The following GRID1 variants were observed in gnomAD, a reference collection of about 807,000 sequenced individuals.
GRID1 encodes the protein glutamate ionotropic receptor delta type subunit 1.
A neutral mutation model predicts 98.0 loss-of-function variants in GRID1; 28 were observed. The ratio of observed to expected loss-of-function variants is 0.29; its 90% CI spans 0.21 to 0.39. The LOEUF (loss-of-function observed/expected upper bound fraction) is 0.39, where lower values mean the gene tolerates loss of function less well. GRID1 is among the 10% of genes least tolerant of loss of function. The pLI, the probability that GRID1 is intolerant of heterozygous loss-of-function variation, is 1.00. For synonymous variants in GRID1, 553 were observed against 538.5 expected, an observed-to-expected ratio of 1.03 and a Z score of -0.37; for missense variants, 1,111 against 1,340.5, an observed-to-expected ratio of 0.83 and a Z score of 2.67.
At chr10:85,604,708 C>T (rs1373133260) in intron 15 of GRID1, among the ~76,000 whole-genome samples, 1 of 152,190 alleles carries the variant, frequency 6.6e-6, no homozygotes, top group Non-Finnish European at 1.5e-5. Context: ...TACCTTACAC[C>T]ATGGTGGAGC....
Position 86,160,907 on chromosome 10 carries a change from G to A in GRID1, c.521-21883C>T, listed in dbSNP as rs544560352. On this transcript the variant is annotated intron_variant, in intron 3 of 15. Coordinates refer to ENST00000327946, the MANE Select transcript of GRID1 (RefSeq NM_017551.3). ...GGTATAGCCCACTGTCTGAGCACACGCTCAGTGTGCTGGAAACAAAGCATC... is the reference window on the plus strand; with the variant it reads ...GGTATAGCCCACTGTCTGAGCACACACTCAGTGTGCTGGAAACAAAGCATC... 3.9e-5 allele frequency among the ~76,000 whole-genome samples: 6 copies of A among 152,338 alleles called. No individual in the cohort carries two copies. The East Asian group carries it at 1.2e-3, about 29-fold the overall frequency.
In GRID1 at chr10:86,016,500, T is replaced by C. The variant is rs1186518058; in HGVS notation, c.727-100261A>G. On this transcript the variant is annotated intron_variant, in intron 4 of 15. Transcript: ENST00000327946. Reference sequence around the variant, plus strand: ...TAACCATGTAAGTGAGAGTTATGAGTAAGAGTTAATTTCTATGAATTCTCT... The same window carrying C: ...TAACCATGTAAGTGAGAGTTATGAGCAAGAGTTAATTTCTATGAATTCTCT... 2.6e-5 allele frequency among the ~76,000 whole-genome samples: 4 copies of C among 152,082 alleles called. No individual in the cohort carries two copies. In the East Asian group the frequency reaches 5.8e-4, roughly 22 times the overall value.
At chr10:85,989,425 G>T (rs1478931903) in intron 4 of GRID1, among the ~76,000 whole-genome samples, 2 of 152,194 alleles carry the variant, frequency 1.3e-5, no homozygotes, top group African/African-American at 4.8e-5. Flanking sequence ...TTCCTCTGTT[G>T]AACCCAATAG....
intron 8 of GRID1, among the ~76,000 whole-genome samples, chr10:85,746,786 T>C (rs1842001331): frequency 6.6e-6 from 1 of 152,160 alleles, no homozygotes; most frequent in Non-Finnish European, 1.5e-5. Context: ...CTGCAGAATC[T>C]ATGATATATA....
chr10:86,279,145 G>A (rs1847317877), intron 2 of GRID1, among the ~76,000 whole-genome samples: 1 of 152,084 alleles, frequency 6.6e-6, no homozygotes, highest in Non-Finnish European at 1.5e-5. Context: ...GAACCCTAGA[G>A]AGCTCTCTTG....
chr10:85,604,530 A>C (rs1046896505), intron 15 of GRID1, among the ~76,000 whole-genome samples: 2 of 152,140 alleles, frequency 1.3e-5, no homozygotes, highest in Non-Finnish European at 2.9e-5. Context: ...ACCATCTCTG[A>C]GTTAGGGTCA....
intron 5 of GRID1, among the ~76,000 whole-genome samples, chr10:85,904,717 A>AG (rs910444322): frequency 6.7e-6 from 1 of 148,912 alleles, no homozygotes; most frequent in Non-Finnish European, 1.5e-5. Flanking sequence ...TATGAAATTA[A>AG]AAAAAAAAAC....
intron 2 of GRID1, among the ~76,000 whole-genome samples, chr10:86,246,917 C>G (rs899246533): frequency 3.3e-5 from 5 of 152,258 alleles, no homozygotes; most frequent in Admixed American, 2.0e-4. Flanking sequence ...GCTCACCAAG[C>G]TCTGTGGCAT....
At chr10:85,860,255 C>G (rs951471050) in intron 6 of GRID1, among the ~76,000 whole-genome samples, 7 of 152,178 alleles carry the variant, frequency 4.6e-5, no homozygotes, top group African/African-American at 1.7e-4. Flanking sequence ...AAACACTCAT[C>G]CCCATGCAAG....
chr10:85,800,793 A>G (rs1232644288), intron 8 of GRID1, among the ~76,000 whole-genome samples: 1 of 152,078 alleles, frequency 6.6e-6, no homozygotes, highest in Non-Finnish European at 1.5e-5. Context: ...TCTAATCATC[A>G]TAACAACCTA....
intron 12 of GRID1, among the ~76,000 whole-genome samples, chr10:85,694,124 C>T (rs947639494): frequency 2.0e-5 from 3 of 152,020 alleles, no homozygotes; most frequent in Non-Finnish European, 2.9e-5. Context: ...AGGAAATGAA[C>T]AAACACTTTT....
intron 4 of GRID1, among the ~76,000 whole-genome samples, chr10:86,071,330 A>G (rs1843800898): frequency 6.6e-6 from 1 of 152,190 alleles, no homozygotes; most frequent in Non-Finnish European, 1.5e-5. Context: ...CAGATCTCAA[A>G]TGCAACAGGC....
intron 15 of GRID1, among the ~76,000 whole-genome samples, chr10:85,609,974 G>T (rs535076488): frequency 6.6e-6 from 1 of 152,118 alleles, no homozygotes; most frequent in Admixed American, 6.5e-5. Flanking sequence ...AAATCTACAT[G>T]AATATTAAGG....
intron 2 of GRID1, among the ~76,000 whole-genome samples, chr10:86,310,880 C>T (rs1008690266): frequency 6.6e-6 from 1 of 152,146 alleles, no homozygotes; most frequent in African/African-American, 2.4e-5. Context: ...TCAGTAATAG[C>T]CTGTTATCTC....
chr10:86,206,539 A>G lies in GRID1; in HGVS notation c.345T>C (p.Phe115=), dbSNP rs754489219. 26 of 1,614,084 alleles carry G rather than the reference A, an allele frequency of 1.6e-5. No homozygotes were observed. The highest frequency in any genetic ancestry group is 1.9e-5 in the Non-Finnish European group (23 of 1,180,044). Residue 115 remains phenylalanine (F), a synonymous_variant, in exon 3 of 16, where the codon TTT becomes TTC. Coordinates refer to ENST00000327946, the MANE Select transcript of GRID1 (RefSeq NM_017551.3). The surrounding 1 kb of genome is among the most constrained non-coding windows in gnomAD (Gnocchi z 4.1). The part of the protein sequence containing the change: ...LTDAMHIPHL[F]VQRNPGGSPR... Reference sequence around the variant, plus strand: ...GCGACCCTCCCGGGTTGCGCTGGACAAAGAGGTGTGGGATGTGCATGGCAT... The same window carrying G: ...GCGACCCTCCCGGGTTGCGCTGGACGAAGAGGTGTGGGATGTGCATGGCAT...
intron 8 of GRID1, among the ~76,000 whole-genome samples, chr10:85,730,461 C>A (rs866561992): frequency 6.6e-6 from 1 of 152,202 alleles, no homozygotes; most frequent in Non-Finnish European, 1.5e-5. Flanking sequence ...CTCAAGTCAA[C>A]TAAATCAGGA....
rs531542991 is a variant in GRID1 at position 85,614,452 on chromosome 10, G to A, written c.2361-805C>T. Reference sequence around the variant, plus strand: ...AATAGTGTTGAATCCTCATTTGCATGCCAGTCCTTTGAGATGGTTATTCCT... The same window carrying A: ...AATAGTGTTGAATCCTCATTTGCATACCAGTCCTTTGAGATGGTTATTCCT... On this transcript the variant is annotated intron_variant, in intron 14 of 15. Coordinates refer to ENST00000327946, the MANE Select transcript of GRID1 (RefSeq NM_017551.3). 2.0e-5 allele frequency among the ~76,000 whole-genome samples: 3 copies of A among 152,342 alleles called. No individual in the cohort carries two copies. The East Asian group carries it at 5.8e-4, about 29-fold the overall frequency.
chr10:85,869,248 A>G (rs1843253461), intron 5 of GRID1, 68 bp from the exon 6 acceptor site: 3 of 1,382,670 alleles, frequency 2.2e-6, no homozygotes, highest in Non-Finnish European at 3.1e-6. Context: ...ACCTATCAGG[A>G]GGCATCTAGG....
At chr10:85,799,575 T>C (rs1842556909) in intron 8 of GRID1, among the ~76,000 whole-genome samples, 1 of 152,082 alleles carries the variant, frequency 6.6e-6, no homozygotes, top group Non-Finnish European at 1.5e-5. Flanking sequence ...TTCAACAAAA[T>C]GGATGAACCT....
Sources: gnomAD v4.1 joint callset for allele counts (sites outside exome capture counted in the v4.1 genomes callset) on GRCh38, gnomAD v4.1.1 for gene constraint, Gnocchi (gnomAD v3.1) non-coding constraint, MANE v1.5 for transcripts, NCBI Gene and HGNC (gene_info 2026-07-23, HGNC 2026-07-21) for gene names.